Variants in MIAT observed in about 807,000 individuals in gnomAD.
MIAT encodes myocardial infarction associated transcript.
intron 2 of MIAT, among the ~76,000 whole-genome samples, chr22:26,651,884 G>A (rs1423212260): frequency 6.6e-6 from 1 of 152,204 alleles, no homozygotes; most frequent in Non-Finnish European, 1.5e-5. Flanking sequence ...AAATGTCTTG[G>A]AACTAGCTAG....
At chr22:26,669,350 T>G in exon 6 of MIAT, 1 of 398,754 alleles carries the variant, frequency 2.5e-6, no homozygotes, top group Admixed American at 4.4e-5. Context: ...AAAGTCCAGA[T>G]CAAGGTGTTA....
At chr22:26,656,010 T>C (rs1357194557) in intron 2 of MIAT, 1 of 153,408 alleles carries the variant, frequency 6.5e-6, no homozygotes, top group African/African-American at 2.4e-5. Context: ...TTCTTTTCTT[T>C]TCTTTTCTTT....
chr22:26,672,640 C>G (rs1434347070), downstream of MIAT: 12 of 399,086 alleles, frequency 3.0e-5, no homozygotes, highest in East Asian at 4.3e-4. Context: ...GGGATAGAAG[C>G]TGTCCTGCAC....
At chr22:26,670,684 C>T, downstream of MIAT, 1 of 393,396 alleles carries the variant, frequency 2.5e-6, no homozygotes, top group Non-Finnish European at 4.5e-6. Context: ...TTATCAGAAC[C>T]TTTAAAATGC....
intron 2 of MIAT, among the ~76,000 whole-genome samples, chr22:26,654,502 T>C (rs1930389206): frequency 6.6e-6 from 1 of 152,186 alleles, no homozygotes. Flanking sequence ...GAATGTGTCA[T>C]GCCAAATTAT....
intron 2 of MIAT, chr22:26,657,491 A>C (rs994702439): frequency 3.3e-5 from 13 of 398,562 alleles, no homozygotes; most frequent in African/African-American, 2.3e-4. Context: ...GCAGCTACAA[A>C]GACGACGCCG....
downstream of MIAT, chr22:26,669,959 A>C (rs1270223097): frequency 1.0e-5 from 4 of 398,492 alleles, no homozygotes; most frequent in Non-Finnish European, 1.8e-5. Flanking sequence ...TGCAGGGAGA[A>C]TTCAGTGAGA....
At chr22:26,666,899 G>A in exon 4 of MIAT, 1 of 399,946 alleles carries the variant, frequency 2.5e-6, no homozygotes. Flanking sequence ...GAAGGAGCTG[G>A]GAGCCTGGGC....
At chr22:26,672,875 AAG>A (rs943379369), downstream of MIAT, 20 of 398,442 alleles carry the variant, frequency 5.0e-5, no homozygotes, top group Admixed American at 4.8e-4. Context: ...GAAGGCCGGA[AAG>A]AGGGACATTT....
intron 2 of MIAT, among the ~76,000 whole-genome samples, chr22:26,651,640 C>T (rs568929719): frequency 6.6e-6 from 1 of 152,322 alleles, no homozygotes; most frequent in East Asian, 1.9e-4. Context: ...GGAAACAACC[C>T]ATATGTCCAT....
chr22:26,669,102 A>G (rs1930956069), exon 6 of MIAT: 2 of 398,566 alleles, frequency 5.0e-6, no homozygotes, highest in African/African-American at 4.1e-5. Flanking sequence ...CTTGGGGAAC[A>G]GAAGGTGGCA....
intron 2 of MIAT, among the ~76,000 whole-genome samples, chr22:26,659,838 TTC>T (rs1491023574): frequency 0.012 from 930 of 79,604 alleles, 6 homozygotes; most frequent in Non-Finnish European, 0.017. Flanking sequence ...CTTTCTTTCT[TTC>T]TTTTTTTTTT....
chr22:26,648,543 A>G (rs1930278916), intron 2 of MIAT, among the ~76,000 whole-genome samples: 1 of 139,524 alleles, frequency 7.2e-6, no homozygotes, highest in African/African-American at 2.6e-5. Flanking sequence ...GGACTTTCAT[A>G]GTTTGATGGG....
downstream of MIAT, chr22:26,673,092 G>A (rs1931118240): frequency 2.5e-6 from 1 of 398,562 alleles, no homozygotes; most frequent in South Asian, 1.3e-4. Flanking sequence ...TGTGGGGAGG[G>A]GAAGCAGCTT....
intron 2 of MIAT, among the ~76,000 whole-genome samples, chr22:26,656,619 C>A (rs921071791): frequency 1.3e-5 from 2 of 152,168 alleles, no homozygotes; most frequent in Non-Finnish European, 2.9e-5. Context: ...CGCCTGGCCT[C>A]GAATTGGATT....
intron 4 of MIAT, chr22:26,667,109 G>A: frequency 2.5e-6 from 1 of 398,254 alleles, no homozygotes; most frequent in Non-Finnish European, 4.4e-6. Flanking sequence ...TGTGGTCTTG[G>A]TGGGGGTGGG....
At chr22:26,674,718 C>G (rs1343486564) in exon 5 of MIAT, 1 of 398,554 alleles carries the variant, frequency 2.5e-6, no homozygotes, top group African/African-American at 2.1e-5. Context: ...AGTCTACACC[C>G]GGAAGTGCCT....
At chr22:26,653,409 C>T (rs973246897) in intron 2 of MIAT, among the ~76,000 whole-genome samples, 13 of 152,096 alleles carry the variant, frequency 8.5e-5, no homozygotes, top group African/African-American at 2.7e-4. Flanking sequence ...TGCTCCCCTC[C>T]GCCACCTCCC....
chr22:26,662,238 G>C (rs1245540669), intron 2 of MIAT, among the ~76,000 whole-genome samples: 3 of 152,026 alleles, frequency 2.0e-5, no homozygotes, highest in Non-Finnish European at 4.4e-5. Flanking sequence ...ATTATGGTGT[G>C]AGCCACTGCG....
Sources: allele counts gnomAD v4.1 joint callset (sites outside exome capture counted in the v4.1 genomes callset), GRCh38; gene constraint gnomAD v4.1.1; transcripts MANE v1.5; gene names NCBI Gene and HGNC (gene_info 2026-07-23, HGNC 2026-07-21).